Variants in GATAD2A observed in about 807,000 individuals in gnomAD.
GATAD2A encodes transcriptional repressor p66-alpha.
GATAD2A carries 12 observed loss-of-function variants against 68.5 expected under a neutral mutation model. The observed-to-expected ratio is 0.18, with a 90% CI of 0.11 to 0.28. The LOEUF is 0.28. Ranked by LOEUF, GATAD2A falls within the 10% of genes least tolerant of loss-of-function variation. The pLI is 1.00. For synonymous variants in GATAD2A, 410 were observed against 375.3 expected (o/e 1.09, Z -1.07); for missense variants, 755 against 868.5 (o/e 0.87, Z 1.64).
intron 1 of GATAD2A, among the ~76,000 whole-genome samples, chr19:19,436,740 A>G (rs2054400740): frequency 6.6e-6 from 1 of 152,114 alleles, no homozygotes; most frequent in Non-Finnish European, 1.5e-5. Context: ...GGTACCTTGG[A>G]TTTTCTCTGT....
chr19:19,411,421 G>A (rs778310849), intron 1 of GATAD2A, among the ~76,000 whole-genome samples: 4 of 152,266 alleles, frequency 2.6e-5, no homozygotes, highest in Non-Finnish European at 5.9e-5. Context: ...ATCTGTCATG[G>A]GAGCCTTCCT....
chr19:19,482,455 C>T (rs1378001703), intron 2 of GATAD2A, among the ~76,000 whole-genome samples: 2 of 152,186 alleles, frequency 1.3e-5, no homozygotes, highest in Non-Finnish European at 1.5e-5. Flanking sequence ...TCACATGGGG[C>T]CTATCCTCTC....
At chr19:19,451,994 G>GCT (rs1457952469) in intron 1 of GATAD2A, among the ~76,000 whole-genome samples, 2 of 152,196 alleles carry the variant, frequency 1.3e-5, no homozygotes, top group Non-Finnish European at 2.9e-5. Context: ...GTGAGCCACT[G>GCT]CTCCTGGCCA....
Position 19,505,775 on chromosome 19 carries a change from G to T in GATAD2A, c.*301G>T. ...CGACACCAGCAGAAAAGTGGACCTT[G>T]GGGGCTGGTTCTGCTCCTGGCCCCC... On this transcript the variant is annotated 3_prime_UTR_variant, in exon 12 of 12. Transcript: ENST00000683918. 1 of 464,032 alleles carries T rather than the reference G, an allele frequency of 2.2e-6. No individual in the cohort carries two copies. Among genetic ancestry groups the T allele is most frequent in the Non-Finnish European group, 3.8e-6 (1 of 266,332 alleles). 28.7% of individuals were successfully genotyped at this position (464,032 alleles called of 1,614,324 possible).
intron 2 of GATAD2A, among the ~76,000 whole-genome samples, chr19:19,485,832 C>G (rs1055845419): frequency 6.6e-6 from 1 of 152,208 alleles, no homozygotes; most frequent in African/African-American, 2.4e-5. Context: ...TTCTTCATAT[C>G]CACAAAAGCG....
chr19:19,419,297 T>G (rs965616925), intron 1 of GATAD2A, among the ~76,000 whole-genome samples: 1 of 152,122 alleles, frequency 6.6e-6, no homozygotes, highest in African/African-American at 2.4e-5. Flanking sequence ...CCGGGTAGTA[T>G]TTGTCGATCC....
Position 19,455,884 on chromosome 19 carries a change from C to CT in GATAD2A, c.-6-9454dup, listed in dbSNP as rs569125496. On this transcript the variant is annotated intron_variant, in intron 1 of 11. Transcript: ENST00000683918. Reference sequence around the variant, plus strand: ...AAAGTTTACTGGCCAGGCGTGGTGGCTTACGCCTGTAATCCCAGCACTTTG... The same window carrying CT: ...AAAGTTTACTGGCCAGGCGTGGTGGCTTTACGCCTGTAATCCCAGCACTTTG... Among the ~76,000 whole-genome samples the CT allele has an allele frequency of 2.6e-5, 4 of 152,306 alleles. No homozygotes were observed. The South Asian group carries it at 8.3e-4, about 32-fold the overall frequency.
At chr19:19,398,109 G>T (rs1266933003) in intron 1 of GATAD2A, among the ~76,000 whole-genome samples, 1 of 152,000 alleles carries the variant, frequency 6.6e-6, no homozygotes, top group Non-Finnish European at 1.5e-5. Context: ...CTCCATGTTG[G>T]TCAGGCTGGT....
intron 1 of GATAD2A, among the ~76,000 whole-genome samples, chr19:19,455,804 CAG>C (rs1223818670): frequency 9.9e-5 from 15 of 152,098 alleles, no homozygotes; most frequent in Non-Finnish European, 1.8e-4. Context: ...GCATTCCTGA[CAG>C]AGACTAAATG....
intron 1 of GATAD2A, among the ~76,000 whole-genome samples, chr19:19,421,670 A>C (rs1261970930): frequency 6.6e-6 from 1 of 152,116 alleles, no homozygotes; most frequent in Non-Finnish European, 1.5e-5. Flanking sequence ...AAGACATCCT[A>C]GTCCGTGTTG....
chr19:19,498,427 T>A lies in GATAD2A; in HGVS notation c.925-16T>A. The A allele has an allele frequency of 6.3e-7, 1 of 1,593,138 alleles. No individual in the cohort carries two copies. The highest frequency in any genetic ancestry group is 8.6e-7 in the Non-Finnish European group (1 of 1,164,346). ...AGGCGCACGGAGCGCCCTGACTGAG[T>A]TTTTGTCTCCCAAAGCCCACCCCAG... On this transcript the variant is annotated splice_polypyrimidine_tract_variant and intron_variant, in intron 7 of 11. Transcript: ENST00000683918.
chr19:19,487,823 AAGTGAGCTGGC>A (rs1204112514), intron 2 of GATAD2A, among the ~76,000 whole-genome samples: 1 of 152,164 alleles, frequency 6.6e-6, no homozygotes, highest in Non-Finnish European at 1.5e-5. Context: ...CACAAGGGAC[AAGTGAGCTGGC>A]AGGGCTGGTG....
Position 19,483,047 on chromosome 19 carries a change from GT to G in GATAD2A, c.270-9257del, listed in dbSNP as rs548780002. ...GCTGGGCCCTTTGACTTCAGGGGCTGTTGCGTTCCTAGAAGGCGTTCTGGCA... is the reference window on the plus strand; with the variant it reads ...GCTGGGCCCTTTGACTTCAGGGGCTGTGCGTTCCTAGAAGGCGTTCTGGCA... On this transcript the variant is annotated intron_variant, in intron 2 of 11. Coordinates refer to ENST00000683918, the MANE Select transcript of GATAD2A (RefSeq NM_001384528.1). Among the ~76,000 whole-genome samples, 426 of 152,270 alleles carry G rather than the reference GT, an allele frequency of 2.8e-3. 2 individuals carry two copies. The highest frequency in any genetic ancestry group is 8.9e-3 in the African/African-American group (369 of 41,536).
intron 1 of GATAD2A, among the ~76,000 whole-genome samples, chr19:19,430,433 G>C (rs1362857298): frequency 6.6e-6 from 1 of 152,210 alleles, no homozygotes; most frequent in Non-Finnish European, 1.5e-5. Flanking sequence ...GTTTGTGCAG[G>C]ACCTAGGAGA....
intron 2 of GATAD2A, among the ~76,000 whole-genome samples, chr19:19,477,520 A>G (rs2058754454): frequency 6.6e-6 from 1 of 151,902 alleles, no homozygotes; most frequent in African/African-American, 2.4e-5. Flanking sequence ...GTCTGAGGGC[A>G]CTCTCTGGGG....
At chr19:19,490,915 A>C (rs1366705615) in intron 2 of GATAD2A, among the ~76,000 whole-genome samples, 1 of 152,192 alleles carries the variant, frequency 6.6e-6, no homozygotes, top group Non-Finnish European at 1.5e-5. Flanking sequence ...CAATGAACCC[A>C]GATCATCAGG....
chr19:19,491,890 C>G (rs893043399), intron 2 of GATAD2A, among the ~76,000 whole-genome samples: 2 of 152,210 alleles, frequency 1.3e-5, no homozygotes, highest in Non-Finnish European at 2.9e-5. Context: ...CACACACATG[C>G]CATCAGACCC....
intron 1 of GATAD2A, among the ~76,000 whole-genome samples, chr19:19,407,041 C>T (rs2050359844): frequency 6.6e-6 from 1 of 152,104 alleles, no homozygotes; most frequent in African/African-American, 2.4e-5. Flanking sequence ...TTCTTCCTAC[C>T]AGTTTACTTC....
At chr19:19,495,933 G>A (rs746974508) in intron 6 of GATAD2A, 48 bp downstream of exon 6, 39 of 1,597,454 alleles carry the variant, frequency 2.4e-5, no homozygotes, top group South Asian at 6.6e-5. Context: ...CTCAGCAGTC[G>A]TCTACCTTGA....
Sources: allele counts gnomAD v4.1 joint callset (sites outside exome capture counted in the v4.1 genomes callset), GRCh38; gene constraint gnomAD v4.1.1; transcripts MANE v1.5; gene names NCBI Gene and HGNC (gene_info 2026-07-23, HGNC 2026-07-21).